The following COG5 variants were observed in gnomAD, a reference collection of about 807,000 sequenced individuals.
COG5 encodes component of oligomeric golgi complex 5.
A neutral mutation model predicts 110.4 loss-of-function variants in COG5; 86 were observed. The ratio of observed to expected loss-of-function variants is 0.78; its 90% confidence interval spans 0.65 to 0.93. COG5 has a LOEUF of 0.93. COG5 is among the 40% of genes least tolerant of loss of function. COG5 has a pLI of 0.00. For synonymous variants in COG5, 360 were observed against 334.6 expected, an observed-to-expected ratio of 1.08 and a Z score of -0.83; for missense variants, 1,077 against 987.0, an observed-to-expected ratio of 1.09 and a Z score of -1.22.
chr7:107,314,582 C>CAAAAAA (rs764317288), intron 11 of COG5, among the ~76,000 whole-genome samples: 3 of 55,022 alleles, frequency 5.5e-5, no homozygotes, highest in Non-Finnish European at 1.2e-4. Flanking sequence ...ATCTCTACTA[C>CAAAAAA]AAAAAAAAAA....
At chr7:107,311,351 T>C (rs1468818077) in intron 11 of COG5, among the ~76,000 whole-genome samples, 1 of 149,300 alleles carries the variant, frequency 6.7e-6, no homozygotes, top group East Asian at 2.0e-4. Context: ...TATTTATAAG[T>C]GATATCGAGC....
At chr7:107,475,182 T>C in intron 6 of COG5, 1 of 1,611,210 alleles carries the variant, frequency 6.2e-7, no homozygotes, top group Non-Finnish European at 8.5e-7. Context: ...GACAAAAATT[T>C]CAAAAGGTCT....
intron 5 of COG5, among the ~76,000 whole-genome samples, chr7:107,545,296 T>G (rs1186297835): frequency 6.6e-6 from 1 of 152,124 alleles, no homozygotes; most frequent in Non-Finnish European, 1.5e-5. Context: ...CCAATCAGGT[T>G]CAATGTAAAC....
intron 6 of COG5, among the ~76,000 whole-genome samples, chr7:107,434,446 G>A (rs746363467): frequency 2.6e-5 from 4 of 152,116 alleles, no homozygotes; most frequent in African/African-American, 7.2e-5. Flanking sequence ...AGAGATAAAT[G>A]CATAAAGAAA....
At chr7:107,431,105 A>G (rs1793998569) in intron 6 of COG5, among the ~76,000 whole-genome samples, 1 of 152,220 alleles carries the variant, frequency 6.6e-6, no homozygotes, top group Non-Finnish European at 1.5e-5. Context: ...TTAGTCCCTT[A>G]AAACTCATTT....
chr7:107,272,434 CTG>C (rs1214309877), intron 14 of COG5, among the ~76,000 whole-genome samples: 2 of 152,120 alleles, frequency 1.3e-5, no homozygotes, highest in African/African-American at 4.8e-5. Flanking sequence ...TAAAATCAAA[CTG>C]TGCTCTGACC....
chr7:107,414,388 T>C (rs1284909862), intron 6 of COG5, among the ~76,000 whole-genome samples: 1 of 152,096 alleles, frequency 6.6e-6, no homozygotes, highest in East Asian at 1.9e-4. Context: ...GTATTTATCA[T>C]CTCCTTAGGA....
chr7:107,480,994 A>T (rs1373933211), intron 6 of COG5: 2 of 152,114 alleles, frequency 1.3e-5, no homozygotes, highest in African/African-American at 4.8e-5. Context: ...AGGCCTCCAT[A>T]AGCTGTATCC....
In COG5 at chr7:107,296,497, T is replaced by C. The variant is rs897315915; in HGVS notation, c.1313+1645A>G. ...TAGGACTTACTGAATCTGCCTATTA[T>C]AAAAGAGTTATTGAGAAGATAATCT... On this transcript the variant is annotated intron_variant, in intron 12 of 21. Coordinates refer to ENST00000297135, the MANE Select transcript of COG5 (RefSeq NM_006348.5). 4.0e-5 allele frequency among the ~76,000 whole-genome samples: 6 copies of C among 151,864 alleles called. No homozygotes were observed. In the East Asian group the frequency reaches 1.2e-3, roughly 29 times the overall value.
At chr7:107,215,625 C>T (rs1799468039) in intron 19 of COG5, among the ~76,000 whole-genome samples, 1 of 151,952 alleles carries the variant, frequency 6.6e-6, no homozygotes, top group Non-Finnish European at 1.5e-5. Flanking sequence ...GATTGTACCA[C>T]AGCACTTACA....
chr7:107,298,041 G>C (rs1033162073), intron 12 of COG5, 101 bp downstream of exon 12: 4 of 482,484 alleles, frequency 8.3e-6, no homozygotes, highest in African/African-American at 2.1e-5. Flanking sequence ...TAGAGACTTG[G>C]TATATACTTA....
chr7:107,430,643 C>T (rs1262679951), intron 6 of COG5, among the ~76,000 whole-genome samples: 1 of 152,146 alleles, frequency 6.6e-6, no homozygotes, highest in African/African-American at 2.4e-5. Context: ...ATATCTGCAG[C>T]AAACACCAAT....
At chr7:107,343,112 C>T (rs1214934345) in intron 10 of COG5, among the ~76,000 whole-genome samples, 2 of 152,090 alleles carry the variant, frequency 1.3e-5, no homozygotes, top group African/African-American at 2.4e-5. Context: ...CAAATTAATA[C>T]AGGAACAGAA....
intron 10 of COG5, among the ~76,000 whole-genome samples, chr7:107,354,219 C>G (rs1265470109): frequency 3.3e-5 from 5 of 152,176 alleles, no homozygotes; most frequent in African/African-American, 9.7e-5. Flanking sequence ...TTTAAGGAAG[C>G]ATGATCAATA....
chr7:107,411,184 G>A (rs1481047619), intron 7 of COG5, among the ~76,000 whole-genome samples: 1 of 152,174 alleles, frequency 6.6e-6, no homozygotes, highest in Non-Finnish European at 1.5e-5. Flanking sequence ...ATTCATACAG[G>A]ATGGAGGGCT....
intron 6 of COG5, among the ~76,000 whole-genome samples, chr7:107,507,492 A>T (rs1799114545): frequency 7.0e-6 from 1 of 142,498 alleles, no homozygotes. Flanking sequence ...TTTTTTTAGT[A>T]GACACAGGGT....
intron 7 of COG5, among the ~76,000 whole-genome samples, chr7:107,402,259 T>C (rs1272743221): frequency 6.6e-6 from 1 of 152,156 alleles, no homozygotes; most frequent in Non-Finnish European, 1.5e-5. Flanking sequence ...GGCAAGTTCA[T>C]GAATACTTAG....
At chr7:107,332,379 T>C (rs892835742) in intron 10 of COG5, among the ~76,000 whole-genome samples, 1 of 152,102 alleles carries the variant, frequency 6.6e-6, no homozygotes, top group Admixed American at 6.6e-5. Flanking sequence ...AAAATAAAGA[T>C]TGAGCATAAG....
At chr7:107,410,851 A>C (rs946766305) in intron 7 of COG5, among the ~76,000 whole-genome samples, 4 of 152,124 alleles carry the variant, frequency 2.6e-5, no homozygotes, top group African/African-American at 9.7e-5. Flanking sequence ...GACACTGGAG[A>C]CTTAGACCAA....
Sources: gnomAD v4.1 joint callset for allele counts (sites outside exome capture counted in the v4.1 genomes callset) on GRCh38, gnomAD v4.1.1 for gene constraint, MANE v1.5 for transcripts, NCBI Gene and HGNC (gene_info 2026-07-23, HGNC 2026-07-21) for gene names.